Variants in EYS observed in about 807,000 individuals in gnomAD.
The protein encoded by EYS is EGF-like photoreceptor maintenance factor, also known as protein eyes shut homolog.
Under a neutral mutation model 282.1 loss-of-function variants are expected in EYS, and 250 were observed. The observed-to-expected ratio is 0.89, with a 90% confidence interval of 0.80 to 0.98. The LOEUF (loss-of-function observed/expected upper bound fraction) is 0.98, where lower values mean the gene tolerates loss of function less well. Ranked by LOEUF, EYS falls within the 50% of genes least tolerant of loss-of-function variation. The pLI is 0.00. For synonymous variants in EYS, 1,355 were observed against 1,282.9 expected (o/e 1.06, Z -1.20); for missense variants, 4,016 against 3,709.0 (o/e 1.08, Z -2.15).
chr6:64,107,705 C>T (rs188930266), intron 31 of EYS, among the ~76,000 whole-genome samples: 49 of 152,106 alleles, frequency 3.2e-4, no homozygotes, highest in Non-Finnish European at 6.5e-4. Flanking sequence ...GTGTCTTTTG[C>T]CTCCTAGTAT....
At chr6:64,829,655 T>G (rs1765157372) in intron 19 of EYS, among the ~76,000 whole-genome samples, 1 of 151,920 alleles carries the variant, frequency 6.6e-6, no homozygotes, top group African/African-American at 2.4e-5. Flanking sequence ...GTAACTGAGG[T>G]GCCAGTTCGG....
chr6:64,800,157 C>T (rs1346207390), intron 22 of EYS, among the ~76,000 whole-genome samples: 1 of 151,944 alleles, frequency 6.6e-6, no homozygotes, highest in Non-Finnish European at 1.5e-5. Context: ...ATAAATTGGC[C>T]TACAAAAGGT....
intron 5 of EYS, among the ~76,000 whole-genome samples, chr6:65,423,000 A>G (rs1232553145): frequency 6.6e-6 from 1 of 151,866 alleles, no homozygotes; most frequent in Admixed American, 6.6e-5. Context: ...TCATTCAGTC[A>G]AAAAGCACAT....
intron 5 of EYS, among the ~76,000 whole-genome samples, chr6:65,448,562 CT>C (rs1047795069): frequency 1.3e-5 from 2 of 151,936 alleles, no homozygotes; most frequent in Non-Finnish European, 2.9e-5. Flanking sequence ...TCTATTAACA[CT>C]TTTTTATGGC....
intron 29 of EYS, among the ~76,000 whole-genome samples, chr6:64,313,406 A>T (rs950068585): frequency 1.3e-5 from 2 of 152,172 alleles, no homozygotes; most frequent in Non-Finnish European, 2.9e-5. Context: ...TCTAGGTTTG[A>T]TTGTTGTACC....
chr6:64,484,968 T>C (rs1251639916), intron 26 of EYS, among the ~76,000 whole-genome samples: 2 of 151,562 alleles, frequency 1.3e-5, no homozygotes. Flanking sequence ...CTAGATATGA[T>C]TTTCAAACAA....
At chr6:64,098,758 G>C (rs1040011767) in intron 31 of EYS, among the ~76,000 whole-genome samples, 1 of 151,794 alleles carries the variant, frequency 6.6e-6, no homozygotes, top group African/African-American at 2.4e-5. Flanking sequence ...GTGCCACCAC[G>C]CCCAGCTAAT....
chr6:65,448,638 C>A (rs899720516), intron 5 of EYS, among the ~76,000 whole-genome samples: 1 of 151,994 alleles, frequency 6.6e-6, no homozygotes, highest in Non-Finnish European at 1.5e-5. Flanking sequence ...CATACACAGT[C>A]ACATAGACTT....
intron 13 of EYS, among the ~76,000 whole-genome samples, chr6:65,010,784 G>T (rs181464853): frequency 6.6e-6 from 1 of 152,312 alleles, no homozygotes; most frequent in African/African-American, 2.4e-5. Context: ...AGTCCTCCAT[G>T]CCCATGCAGC....
At chr6:64,205,644 G>A (rs145517010) in intron 31 of EYS, among the ~76,000 whole-genome samples, 9 of 152,154 alleles carry the variant, frequency 5.9e-5, no homozygotes, top group Non-Finnish European at 1.2e-4. Context: ...GTAATTTAGC[G>A]TTGACCCAAT....
chr6:64,441,087 T>C (rs1404764825), intron 26 of EYS, among the ~76,000 whole-genome samples: 3 of 152,124 alleles, frequency 2.0e-5, no homozygotes, highest in Admixed American at 6.6e-5. Context: ...ATGTGGACAA[T>C]GCCCCAAAGA....
chr6:65,060,033 T>C lies in EYS; in HGVS notation c.2024-2306A>G, dbSNP rs559744228. ...TGATCCCAGCTTCCCCTTATCAACC[T>C]GAATGTCACACTGCCATGAGCTTGT... On this transcript the variant is annotated intron_variant, in intron 12 of 42. Transcript: ENST00000503581. Among the ~76,000 whole-genome samples the C allele has an allele frequency of 2.6e-4, 39 of 152,038 alleles. No homozygotes were observed. The Middle Eastern group carries it at 0.02, about 80-fold the overall frequency.
At chr6:64,676,316 C>CTCTATA (rs1769672205) in intron 22 of EYS, among the ~76,000 whole-genome samples, 5 of 119,054 alleles carry the variant, frequency 4.2e-5, no homozygotes, top group Non-Finnish European at 9.1e-5. Flanking sequence ...TCCAATATAT[C>CTCTATA]TATATATATA....
chr6:65,055,561 T>C (rs1432047959), intron 13 of EYS, among the ~76,000 whole-genome samples: 2 of 152,088 alleles, frequency 1.3e-5, no homozygotes, highest in Non-Finnish European at 2.9e-5. Flanking sequence ...CCAATATCTC[T>C]TCCAAGATAC....
At chr6:63,727,394 TTAGATTGAA>T (rs1768653195) in intron 41 of EYS, among the ~76,000 whole-genome samples, 1 of 151,948 alleles carries the variant, frequency 6.6e-6, no homozygotes, top group African/African-American at 2.4e-5. Context: ...TCCTTTTACT[TTAGATTGAA>T]TAATTGGTAG....
chr6:64,089,553 C>T (rs979943918), intron 31 of EYS, among the ~76,000 whole-genome samples: 1 of 149,370 alleles, frequency 6.7e-6, no homozygotes, highest in Non-Finnish European at 1.5e-5. Context: ...AACTTTTTTA[C>T]CACATTATAC....
At chr6:63,824,515 C>T (rs1266462330) in intron 36 of EYS, among the ~76,000 whole-genome samples, 2 of 152,130 alleles carry the variant, frequency 1.3e-5, no homozygotes, top group Admixed American at 1.3e-4. Flanking sequence ...ACCCACAGAC[C>T]CTCTGAAGGA....
At chr6:63,939,961 A>G (rs1174292420) in intron 35 of EYS, among the ~76,000 whole-genome samples, 1 of 152,230 alleles carries the variant, frequency 6.6e-6, no homozygotes, top group Admixed American at 6.5e-5. Flanking sequence ...ATAATTCTGT[A>G]GCCACCTCTT....
chr6:64,242,541 A>G (rs1292159658), intron 30 of EYS, among the ~76,000 whole-genome samples: 1 of 151,832 alleles, frequency 6.6e-6, no homozygotes, highest in East Asian at 1.9e-4. Flanking sequence ...GTCATCCTCT[A>G]ATCCATCCTT....
Sources: gnomAD v4.1 joint callset for allele counts (sites outside exome capture counted in the v4.1 genomes callset) on GRCh38, gnomAD v4.1.1 for gene constraint, MANE v1.5 for transcripts, NCBI Gene and HGNC (gene_info 2026-07-23, HGNC 2026-07-21) for gene names.